The following LPP variants were observed in gnomAD, a reference collection of about 807,000 sequenced individuals.
The protein encoded by LPP is lipoma-preferred partner.
In LPP, 38 loss-of-function variants were observed where a neutral mutation model predicts 60.4. The observed-to-expected ratio is 0.63, with a 90% confidence interval of 0.49 to 0.83. The LOEUF is 0.83. Among genes scored for constraint, LPP ranks in the 40% least tolerant of loss-of-function variants. LPP has a pLI of 0.00. For missense variants in LPP, 902 were observed against 783.6 expected (o/e 1.15, Z -1.80); for synonymous variants, 328 against 290.8 (o/e 1.13, Z -1.30).
At position 188,691,974 on chromosome 3, in the gene LPP, TA is replaced by T. The variant is rs373819615; in HGVS notation, c.1114-16283del. Reference sequence around the variant, plus strand: ...TAAGCTTTTATGTAAAGACAGCACATAAAAAAAAAACCACTTTTCATAACTT... The same window carrying T: ...TAAGCTTTTATGTAAAGACAGCACATAAAAAAAAACCACTTTTCATAACTT... On this transcript the variant is annotated intron_variant, in intron 7 of 11. Coordinates refer to ENST00000617246, the MANE Select transcript of LPP (RefSeq NM_001375462.1). 9.5e-3 allele frequency among the ~76,000 whole-genome samples: 1,413 copies of T among 148,896 alleles called. 25 individuals are homozygous for T. Among genetic ancestry groups the T allele is most frequent in the African/African-American group, 0.033 (1,328 of 40,660 alleles).
In LPP at chr3:188,541,899, C is replaced by T. The variant is rs181716114; in HGVS notation, c.429+17112C>T. 1.6e-3 allele frequency among the ~76,000 whole-genome samples: 238 copies of T among 151,962 alleles called. 2 individuals are homozygous for T. Among genetic ancestry groups the T allele is most frequent in the African/African-American group, 5.5e-3 (230 of 41,464 alleles). Reference sequence around the variant, plus strand: ...GTGACAAGAGCGAAACTCCATCACACACACAAAAAAACAAAAACAAAACAA... The same window carrying T: ...GTGACAAGAGCGAAACTCCATCACATACACAAAAAAACAAAAACAAAACAA... On this transcript the variant is annotated intron_variant, in intron 6 of 11. Transcript: ENST00000617246.
intron 7 of LPP, among the ~76,000 whole-genome samples, chr3:188,679,101 G>A: frequency 6.6e-6 from 1 of 152,190 alleles, no homozygotes; most frequent in Non-Finnish European, 1.5e-5. Flanking sequence ...GCAGTGCTGG[G>A]CAGAGGAAGG....
intron 9 of LPP, among the ~76,000 whole-genome samples, chr3:188,823,641 C>G (rs1754597034): frequency 6.6e-6 from 1 of 152,010 alleles, no homozygotes; most frequent in Admixed American, 6.6e-5. Context: ...TTAGTATAGA[C>G]AGACAAAGAA....
chr3:188,510,951 A>T (rs1279694575), intron 5 of LPP, among the ~76,000 whole-genome samples: 1 of 151,896 alleles, frequency 6.6e-6, no homozygotes, highest in African/African-American at 2.4e-5. Context: ...TCTGCCTTCT[A>T]ATATGGACAT....
intron 5 of LPP, among the ~76,000 whole-genome samples, chr3:188,511,864 G>A (rs1347122280): frequency 6.6e-6 from 1 of 152,116 alleles, no homozygotes; most frequent in Non-Finnish European, 1.5e-5. Context: ...TAGTGACTAT[G>A]TCCCAGGCTG....
At chr3:188,276,351 T>G (rs1465264610) in intron 2 of LPP, among the ~76,000 whole-genome samples, 1 of 152,236 alleles carries the variant, frequency 6.6e-6, no homozygotes, top group Non-Finnish European at 1.5e-5. Flanking sequence ...TATTCCTTCT[T>G]AGCTAGTTCC....
At chr3:188,355,153 C>T (rs376870158) in intron 3 of LPP, among the ~76,000 whole-genome samples, 223 of 152,124 alleles carry the variant, frequency 1.5e-3, no homozygotes, top group African/African-American at 5.0e-3. Context: ...GGACTACAGG[C>T]GCCCGCCACC....
intron 6 of LPP, among the ~76,000 whole-genome samples, chr3:188,573,741 G>C (rs1834003522): frequency 6.6e-6 from 1 of 152,012 alleles, no homozygotes; most frequent in South Asian, 2.1e-4. Context: ...GTGTTCTTGG[G>C]GTTGCGGGGT....
At chr3:188,443,699 C>A (rs1223212333) in intron 4 of LPP, among the ~76,000 whole-genome samples, 1 of 152,162 alleles carries the variant, frequency 6.6e-6, no homozygotes, top group African/African-American at 2.4e-5. Context: ...TTGTATCAAT[C>A]CTCCCCATTC....
chr3:188,506,982 A>G (rs1813680903), intron 5 of LPP, among the ~76,000 whole-genome samples: 2 of 152,052 alleles, frequency 1.3e-5, no homozygotes, highest in South Asian at 4.2e-4. Flanking sequence ...TATTTTTAGT[A>G]GAGACGGGGT....
At position 188,333,955 on chromosome 3, in the gene LPP, G is replaced by A. The variant is rs559037075; in HGVS notation, c.-66-7708G>A. ...GTAATTATAGTGATTCTATAGTGCTGTAGAACACTAGAACTGACTCCTCCT... is the reference window on the plus strand; with the variant it reads ...GTAATTATAGTGATTCTATAGTGCTATAGAACACTAGAACTGACTCCTCCT... On this transcript the variant is annotated intron_variant, in intron 2 of 11. Coordinates refer to ENST00000617246, the MANE Select transcript of LPP (RefSeq NM_001375462.1). Among the ~76,000 whole-genome samples, 92 of 152,252 alleles carry A rather than the reference G, an allele frequency of 6.0e-4. 1 individual carries two copies. The South Asian group carries it at 0.014, about 23-fold the overall frequency.
In LPP at chr3:188,394,350, T is replaced by C. The variant is rs138989325; in HGVS notation, c.-9-11762T>C. Among the ~76,000 whole-genome samples the C allele has an allele frequency of 3.7e-4, 56 of 152,344 alleles. No homozygotes were observed. The East Asian group carries it at 9.5e-3, about 26-fold the overall frequency. On this transcript the variant is annotated intron_variant, in intron 3 of 11. Transcript: ENST00000617246. Reference sequence around the variant, plus strand: ...AACTTTCTAGCAGTCATAACTTTTCTGCCATGGAAGGGGCTGTCTTGTAAG... The same window carrying C: ...AACTTTCTAGCAGTCATAACTTTTCCGCCATGGAAGGGGCTGTCTTGTAAG...
intron 7 of LPP, among the ~76,000 whole-genome samples, chr3:188,638,837 T>G (rs1287114721): frequency 6.7e-6 from 1 of 150,108 alleles, no homozygotes; most frequent in African/African-American, 2.5e-5. Flanking sequence ...CAAGGAGAAC[T>G]ACAAACCACT....
chr3:188,732,308 T>C (rs1720903865), intron 8 of LPP, among the ~76,000 whole-genome samples: 2 of 152,120 alleles, frequency 1.3e-5, no homozygotes, highest in Non-Finnish European at 2.9e-5. Context: ...TATTCTAAGA[T>C]CTAGATGGGA....
intron 9 of LPP, among the ~76,000 whole-genome samples, chr3:188,828,802 C>T (rs1344062601): frequency 1.3e-5 from 2 of 151,888 alleles, no homozygotes; most frequent in African/African-American, 4.8e-5. Context: ...ATCATTACCT[C>T]GGGCCTGTCT....
At chr3:188,499,543 G>A (rs946973092) in intron 5 of LPP, among the ~76,000 whole-genome samples, 1 of 151,936 alleles carries the variant, frequency 6.6e-6, no homozygotes, top group Non-Finnish European at 1.5e-5. Context: ...AGGAAGTGTC[G>A]GTCCTCCACC....
At chr3:188,227,167 A>C (rs1718090217) in intron 2 of LPP, among the ~76,000 whole-genome samples, 1 of 151,044 alleles carries the variant, frequency 6.6e-6, no homozygotes, top group Non-Finnish European at 1.5e-5. Context: ...TTATTTATTT[A>C]TTTTATTTTT....
intron 5 of LPP, among the ~76,000 whole-genome samples, chr3:188,492,661 C>T (rs1048245237): frequency 2.6e-5 from 4 of 152,038 alleles, no homozygotes; most frequent in African/African-American, 4.8e-5. Flanking sequence ...GCACCATTGC[C>T]CTCCAGCCTG....
At chr3:188,839,704 C>G (rs1235752929) in intron 9 of LPP, among the ~76,000 whole-genome samples, 1 of 151,778 alleles carries the variant, frequency 6.6e-6, no homozygotes, top group Non-Finnish European at 1.5e-5. Context: ...TAAACCTCAT[C>G]TCTATTAAAA....
Sources: gnomAD v4.1 joint callset for allele counts (sites outside exome capture counted in the v4.1 genomes callset) on GRCh38, gnomAD v4.1.1 for gene constraint, MANE v1.5 for transcripts, NCBI Gene and HGNC (gene_info 2026-07-23, HGNC 2026-07-21) for gene names.